The following SLC24A4 variants were observed in gnomAD, a reference collection of about 807,000 sequenced individuals.
The protein encoded by SLC24A4 is solute carrier family 24 member 4, also known as sodium/potassium/calcium exchanger 4.
In SLC24A4, 53 loss-of-function variants were observed where a neutral mutation model predicts 79.0. The ratio of observed to expected loss-of-function variants is 0.67; its 90% CI spans 0.54 to 0.84. The LOEUF (loss-of-function observed/expected upper bound fraction) is 0.84, where lower values mean the gene tolerates loss of function less well. Ranked by LOEUF, SLC24A4 falls within the 40% of genes least tolerant of loss-of-function variation. The pLI is 0.00. For synonymous variants in SLC24A4, 323 were observed against 323.8 expected (o/e 1.00, Z 0.03); for missense variants, 731 against 822.0 (o/e 0.89, Z 1.35).
At chr14:92,408,869 T>C (rs4904896) in intron 2 of SLC24A4, among the ~76,000 whole-genome samples, 59,688 of 152,058 alleles carry the variant, frequency 0.39, 12,022 homozygotes, top group African/African-American at 0.47. Flanking sequence ...CCTCAGTGGT[T>C]GTGGGGAACT....
At chr14:92,413,048 CA>C in intron 2 of SLC24A4, among the ~76,000 whole-genome samples, 1 of 152,340 alleles carries the variant, frequency 6.6e-6, no homozygotes, top group East Asian at 1.9e-4. Context: ...GCCACAGCGG[CA>C]GCGTTGAATA....
intron 2 of SLC24A4, among the ~76,000 whole-genome samples, chr14:92,393,501 A>G (rs1889599803): frequency 6.6e-6 from 1 of 151,234 alleles, no homozygotes; most frequent in Admixed American, 6.6e-5. Flanking sequence ...TCGCACATCC[A>G]AGGAAATGGC....
chr14:92,471,187 T>G (rs2139890861), intron 12 of SLC24A4, among the ~76,000 whole-genome samples: 1 of 152,322 alleles, frequency 6.6e-6, no homozygotes, highest in Admixed American at 6.5e-5. Context: ...AGTATCCCAT[T>G]ACTGTTGTCC....
intron 2 of SLC24A4, among the ~76,000 whole-genome samples, chr14:92,333,285 G>T (rs367945167): frequency 6.6e-6 from 1 of 152,116 alleles, no homozygotes; most frequent in Non-Finnish European, 1.5e-5. Context: ...GTAGAGAGGG[G>T]GGTTTTGCCA....
rs1887012843 is a variant in SLC24A4 at position 92,353,739 on chromosome 14, G to A, written c.241+27761G>A. 6.6e-6 allele frequency among the ~76,000 whole-genome samples: 1 copy of A among 152,174 alleles called. No individual in the cohort carries two copies. Among genetic ancestry groups the A allele is most frequent in the Non-Finnish European group, 1.5e-5 (1 of 68,032 alleles). ...ATCAGCTGTACCCTACTTGGGCTGT[G>A]TTGTCAGAAAAGGGATTGTCGTGGT... On this transcript the variant is annotated intron_variant, in intron 2 of 16. Transcript: ENST00000532405. The surrounding 1 kb of genome is among the most constrained non-coding windows in gnomAD (Gnocchi z 4.1).
At chr14:92,376,850 G>A (rs1390086066) in intron 2 of SLC24A4, among the ~76,000 whole-genome samples, 1 of 152,206 alleles carries the variant, frequency 6.6e-6, no homozygotes, top group Non-Finnish European at 1.5e-5. Flanking sequence ...GGGGTTGCTA[G>A]TGGGTAGAGT....
At chr14:92,432,944 G>A (rs1891956008) in intron 2 of SLC24A4, among the ~76,000 whole-genome samples, 1 of 152,080 alleles carries the variant, frequency 6.6e-6, no homozygotes, top group Admixed American at 6.5e-5. Context: ...GGTTTACAAG[G>A]GTAATAAAAG....
rs1201271931 is a variant in SLC24A4 at position 92,485,649 on chromosome 14, CA to C, written c.1423-1013del. On this transcript the variant is annotated intron_variant, in intron 13 of 16. Coordinates refer to ENST00000532405, the MANE Select transcript of SLC24A4 (RefSeq NM_153646.4). The stretch of plus-strand genomic sequence containing the variant: ...GATTTCTCTTACTGAAGTGTATTTC[CA>C]AAACAACATTACAAGTAAAAAAAAA... 2.0e-5 allele frequency among the ~76,000 whole-genome samples: 3 copies of C among 151,620 alleles called. No homozygotes were observed. In the East Asian group the frequency reaches 5.8e-4, roughly 29 times the overall value.
At chr14:92,405,280 A>G (rs1206899869) in intron 2 of SLC24A4, among the ~76,000 whole-genome samples, 1 of 152,240 alleles carries the variant, frequency 6.6e-6, no homozygotes, top group African/African-American at 2.4e-5. Context: ...AATGATGGGT[A>G]AATTTAAGAA....
chr14:92,330,716 C>T (rs1176931818), intron 2 of SLC24A4, among the ~76,000 whole-genome samples: 1 of 152,200 alleles, frequency 6.6e-6, no homozygotes, highest in Non-Finnish European at 1.5e-5. Context: ...CACCTTCTTG[C>T]TGTGTGCTCA....
intron 2 of SLC24A4, among the ~76,000 whole-genome samples, chr14:92,374,947 G>A (rs1399555764): frequency 6.6e-6 from 1 of 152,120 alleles, no homozygotes; most frequent in African/African-American, 2.4e-5. Context: ...GATTAAAGAG[G>A]CCATTTTTTC....
At chr14:92,412,935 A>G (rs1294941570) in intron 2 of SLC24A4, among the ~76,000 whole-genome samples, 1 of 152,252 alleles carries the variant, frequency 6.6e-6, no homozygotes, top group East Asian at 1.9e-4. Context: ...ATTTTATGAC[A>G]CATGAGAATG....
intron 12 of SLC24A4, chr14:92,462,231 G>A (rs1020416785): frequency 1.3e-5 from 2 of 152,310 alleles, no homozygotes; most frequent in South Asian, 2.1e-4. Flanking sequence ...CCTTAGGTAT[G>A]TACCCTCAGC....
intron 2 of SLC24A4, among the ~76,000 whole-genome samples, chr14:92,433,318 C>T (rs1160707403): frequency 6.6e-6 from 1 of 152,176 alleles, no homozygotes; most frequent in Non-Finnish European, 1.5e-5. Flanking sequence ...TCAGAGCTGC[C>T]TGGGGTTGCA....
chr14:92,323,031 T>G (rs573781227), upstream of SLC24A4, among the ~76,000 whole-genome samples: 3,225 of 151,044 alleles, frequency 0.021, 103 homozygotes, highest in African/African-American at 0.073. The surrounding 1 kb of genome is among the most constrained non-coding windows in gnomAD (Gnocchi z 4.9). Flanking sequence ...GTCCAACTAC[T>G]GAAGAGAAGA....
chr14:92,395,987 A>C (rs1889751962), intron 2 of SLC24A4, among the ~76,000 whole-genome samples: 2 of 152,076 alleles, frequency 1.3e-5, no homozygotes, highest in African/African-American at 4.8e-5. Flanking sequence ...CACCACACTC[A>C]GCTAATTTTT....
rs375295291 is a variant in SLC24A4, at chr14:92,490,739, G to C, written c.1538-926G>C. 2.6e-5 allele frequency among the ~76,000 whole-genome samples: 4 copies of C among 152,240 alleles called. No homozygotes were observed. The highest frequency in any genetic ancestry group is 4.4e-5 in the Non-Finnish European group (3 of 68,038). On this transcript the variant is annotated intron_variant, in intron 14 of 16. Coordinates refer to ENST00000532405, the MANE Select transcript of SLC24A4 (RefSeq NM_153646.4). The surrounding 1 kb of genome is among the most constrained non-coding windows in gnomAD (Gnocchi z 4.3). The stretch of plus-strand genomic sequence containing the variant: ...GAACATGAAGTGAGGCGCAGTGGCC[G>C]GGAGTCCTCATAGAACATCAGCTGA...
chr14:92,325,678 A>G (rs1356396583), intron 1 of SLC24A4, among the ~76,000 whole-genome samples, 190 bp from the exon 2 acceptor site: 1 of 152,230 alleles, frequency 6.6e-6, no homozygotes, highest in Non-Finnish European at 1.5e-5. Context: ...ACAGTGAACT[A>G]GATCCAGGAA....
intron 2 of SLC24A4, among the ~76,000 whole-genome samples, chr14:92,359,023 G>C (rs1208137290): frequency 2.0e-5 from 3 of 152,010 alleles, no homozygotes; most frequent in African/African-American, 4.8e-5. Flanking sequence ...CAGGTCTCCA[G>C]GCCCAGCCAC....
Sources: allele counts gnomAD v4.1 joint callset (sites outside exome capture counted in the v4.1 genomes callset), GRCh38; gene constraint gnomAD v4.1.1; non-coding constraint Gnocchi (gnomAD v3.1); transcripts MANE v1.5; gene names NCBI Gene and HGNC (gene_info 2026-07-23, HGNC 2026-07-21).